The following SLC4A5 variants were observed in gnomAD, a reference collection of about 807,000 sequenced individuals.
The protein encoded by SLC4A5 is electrogenic sodium bicarbonate cotransporter 4.
In SLC4A5, 96 loss-of-function variants were observed where a neutral mutation model predicts 120.4. The ratio of observed to expected loss-of-function variants is 0.80; its 90% confidence interval spans 0.68 to 0.94. The LOEUF (loss-of-function observed/expected upper bound fraction) is 0.94. SLC4A5 is among the 40% of genes least tolerant of loss of function. The probability of loss-of-function intolerance (pLI) is 0.00; values close to 1 mark genes in which losing one functional copy is unlikely to be tolerated. For missense variants in SLC4A5, 1,259 were observed against 1,459.5 expected, an observed-to-expected ratio of 0.86 and a Z score of 2.24; for synonymous variants, 550 against 571.1, an observed-to-expected ratio of 0.96 and a Z score of 0.53.
intron 5 of SLC4A5, among the ~76,000 whole-genome samples, chr2:74,316,317 G>A (rs1672962354): frequency 1.4e-5 from 1 of 69,416 alleles, no homozygotes; most frequent in Admixed American, 1.9e-4. Flanking sequence ...CTACAAAAGA[G>A]TTGTAAAAAA....
At chr2:74,312,037 T>C (rs1311750224) in intron 6 of SLC4A5, among the ~76,000 whole-genome samples, 2 of 152,202 alleles carry the variant, frequency 1.3e-5, no homozygotes, top group African/African-American at 4.8e-5. Flanking sequence ...GAATTGACCC[T>C]TTTATCATGA....
At chr2:74,250,399 T>A in exon 17 of SLC4A5, 1 of 1,614,168 alleles carries the variant, frequency 6.2e-7, no homozygotes, top group Non-Finnish European at 8.5e-7. Flanking sequence ...GCGTTGGTGA[T>A]ACAGCCGAGG....
Position 74,283,700 on chromosome 2 carries a change from T to C in SLC4A5, c.401+2073A>G, listed in dbSNP as rs532316813. On this transcript the variant is annotated intron_variant, in intron 8 of 30. Coordinates refer to ENST00000394019, the Ensembl canonical transcript of SLC4A5. The stretch of plus-strand genomic sequence containing the variant: ...CATGCAGAGACAGACCTGGGCACGG[T>C]TGAGTCTATGCACTCTCAACTTGGG... 6.8e-4 allele frequency among the ~76,000 whole-genome samples: 104 copies of C among 152,230 alleles called. No homozygotes were observed. In the South Asian group the frequency reaches 0.021, roughly 30 times the overall value.
intron 22 of SLC4A5, among the ~76,000 whole-genome samples, chr2:74,234,298 C>T (rs1014021456): frequency 6.6e-6 from 1 of 152,064 alleles, no homozygotes; most frequent in African/African-American, 2.4e-5. Context: ...CCTGCCTCAG[C>T]CTCCCGAGTA....
chr2:74,252,255 C>A, exon 16 of SLC4A5: 1 of 1,607,734 alleles, frequency 6.2e-7, no homozygotes, highest in Non-Finnish European at 8.5e-7. Context: ...CTTGTTCCGC[C>A]GGCCCCGCCA....
At chr2:74,218,435 G>A (rs895043054) in exon 31 of SLC4A5, 1 of 152,072 alleles carries the variant, frequency 6.6e-6, no homozygotes, top group African/African-American at 2.4e-5. Flanking sequence ...TTAGCTTTAG[G>A]TATTTTAATT....
At chr2:74,246,329 G>T (rs992023405) in intron 19 of SLC4A5, among the ~76,000 whole-genome samples, 5 of 152,206 alleles carry the variant, frequency 3.3e-5, no homozygotes, top group Non-Finnish European at 5.9e-5. Flanking sequence ...TCCCATGGTG[G>T]TTAACGCCCA....
intron 7 of SLC4A5, among the ~76,000 whole-genome samples, chr2:74,303,819 C>T (rs1672548933): frequency 6.6e-6 from 1 of 151,870 alleles, no homozygotes; most frequent in Admixed American, 6.6e-5. Context: ...GAGCACAATG[C>T]CTCATACAAA....
intron 21 of SLC4A5, among the ~76,000 whole-genome samples, chr2:74,237,724 C>T (rs1259747178): frequency 1.3e-5 from 2 of 152,064 alleles, no homozygotes; most frequent in Non-Finnish European, 1.5e-5. Flanking sequence ...CCCCACCCCA[C>T]GGCACAGTTA....
chr2:74,335,145 G>A (rs1173627478), intron 3 of SLC4A5, among the ~76,000 whole-genome samples: 1 of 152,142 alleles, frequency 6.6e-6, no homozygotes, highest in African/African-American at 2.4e-5. Flanking sequence ...TTACAGATGA[G>A]GAAACCACTT....
At chr2:74,278,679 G>A (rs548823586) in intron 8 of SLC4A5, among the ~76,000 whole-genome samples, 34 of 152,272 alleles carry the variant, frequency 2.2e-4, no homozygotes, top group African/African-American at 7.9e-4. Context: ...TCAAGTGTCA[G>A]TGTTGGACTA....
chr2:74,266,266 G>A (rs1055036438), intron 8 of SLC4A5, among the ~76,000 whole-genome samples: 3 of 152,056 alleles, frequency 2.0e-5, no homozygotes, highest in Non-Finnish European at 2.9e-5. Context: ...GTATATCCAT[G>A]GGAATTCAGG....
In SLC4A5 at chr2:74,255,912, C is replaced by T; in HGVS notation, c.888G>A (p.Lys296=). The stretch of plus-strand genomic sequence containing the variant: ...ACGCTTCTGAGTCCTTGGGGATCTT[C>T]TTCATGAATTTGTTTTTCCGCTGGA... The change falls in exon 13 of 31, where the codon AAG becomes AAA. Residue 296 remains lysine (K), a synonymous_variant. Transcript: ENST00000394019. This position sits in a 1 kb window ranked among gnomAD's most constrained non-coding sequence, Gnocchi z 4.0. 1.2e-6 allele frequency: 2 copies of T among 1,613,800 alleles called. No homozygotes were observed. Among genetic ancestry groups the T allele is most frequent in the Non-Finnish European group, 1.7e-6 (2 of 1,179,712 alleles).
In SLC4A5 at chr2:74,265,955, G is replaced by A. The variant is rs573336722; in HGVS notation, c.402-691C>T. Reference sequence around the variant, plus strand: ...AGTGCCAGGGGAGCAAGGAGTCCTGGCCGGAGACACCTAGCTCCCCTTTGT... The same window carrying A: ...AGTGCCAGGGGAGCAAGGAGTCCTGACCGGAGACACCTAGCTCCCCTTTGT... On this transcript the variant is annotated intron_variant, in intron 8 of 30. Transcript: ENST00000394019. 5.9e-5 allele frequency among the ~76,000 whole-genome samples: 9 copies of A among 152,288 alleles called. No individual in the cohort carries two copies. In the South Asian group the frequency reaches 1.9e-3, roughly 32 times the overall value.
Position 74,269,211 on chromosome 2 carries a change from T to A in SLC4A5, c.402-3947A>T, listed in dbSNP as rs552268057. Among the ~76,000 whole-genome samples the A allele has an allele frequency of 5.4e-4, 78 of 145,444 alleles. 1 individual carries two copies. The East Asian group carries it at 6.7e-3, about 12-fold the overall frequency. ...AATAGACCAAAGGATAAGTTCAAAATTTTTTTTTTTTTGAGACGGAGTTTC... is the reference window on the plus strand; with the variant it reads ...AATAGACCAAAGGATAAGTTCAAAAATTTTTTTTTTTTGAGACGGAGTTTC... On this transcript the variant is annotated intron_variant, in intron 8 of 30. Transcript: ENST00000394019.
rs1468530772 is a variant in SLC4A5 at position 74,247,017 on chromosome 2, G to A, written c.2059+19C>T. 2 of 1,612,018 alleles carry A rather than the reference G, an allele frequency of 1.2e-6. No individual in the cohort carries two copies. The highest frequency in any genetic ancestry group is 3.3e-5 in the Admixed American group (2 of 59,992). On this transcript the variant is annotated intron_variant, in intron 19 of 30. Transcript: ENST00000394019. ...TGGGGTAGGTGAGGGCCCACGGCAT[G>A]TCTGGGGTTACCGGTCACCTGTGTC...
chr2:74,261,268 G>A (rs548668798), intron 11 of SLC4A5, among the ~76,000 whole-genome samples: 7 of 152,316 alleles, frequency 4.6e-5, no homozygotes, highest in African/African-American at 1.7e-4. Context: ...AGGTCTTCCC[G>A]AAGCCACTCT....
intron 25 of SLC4A5, among the ~76,000 whole-genome samples, chr2:74,229,063 G>A (rs1256141370): frequency 2.9e-5 from 4 of 137,226 alleles, no homozygotes; most frequent in Non-Finnish European, 4.7e-5. Context: ...GGGCTTTAGA[G>A]GAATTTTTTG....
intron 8 of SLC4A5, among the ~76,000 whole-genome samples, chr2:74,273,721 C>T (rs1290610806): frequency 1.3e-5 from 2 of 152,114 alleles, no homozygotes; most frequent in East Asian, 3.8e-4. Flanking sequence ...ACTGAATTTC[C>T]CAACAGATAC....
Sources: gnomAD v4.1 joint callset for allele counts (sites outside exome capture counted in the v4.1 genomes callset) on GRCh38, gnomAD v4.1.1 for gene constraint, Gnocchi (gnomAD v3.1) non-coding constraint, MANE v1.5 for transcripts, NCBI Gene and HGNC (gene_info 2026-07-23, HGNC 2026-07-21) for gene names.